Variants in F13A1 observed in about 807,000 individuals in gnomAD.
F13A1 encodes the protein FSF, A subunit.
A neutral mutation model predicts 80.1 loss-of-function variants in F13A1; 47 were observed. The ratio of observed to expected loss-of-function variants is 0.59; its 90% CI spans 0.46 to 0.75. The LOEUF is 0.75. Among genes scored for constraint, F13A1 ranks in the 30% least tolerant of loss-of-function variants. The pLI, the probability that F13A1 is intolerant of heterozygous loss-of-function variation, is 0.00. For synonymous variants in F13A1, 349 were observed against 344.9 expected, an observed-to-expected ratio of 1.01 and a Z score of -0.13; for missense variants, 817 against 930.4, an observed-to-expected ratio of 0.88 and a Z score of 1.59.
intron 3 of F13A1, among the ~76,000 whole-genome samples, chr6:6,284,296 G>A (rs1451706966): frequency 6.6e-6 from 1 of 152,192 alleles, no homozygotes; most frequent in Non-Finnish European, 1.5e-5. Context: ...AGAAAAGGTT[G>A]AAATGATGGA....
chr6:6,251,943 AC>A, intron 4 of F13A1, among the ~76,000 whole-genome samples: 1 of 152,264 alleles, frequency 6.6e-6, no homozygotes, highest in African/African-American at 2.4e-5. Flanking sequence ...CAATGGCGTG[AC>A]TTATGAAATA....
chr6:6,302,608 C>T (rs1758450201), intron 3 of F13A1, among the ~76,000 whole-genome samples: 1 of 152,138 alleles, frequency 6.6e-6, no homozygotes, highest in African/African-American at 2.4e-5. Context: ...CCAGAAGTAG[C>T]CCTGGGTGAG....
intron 4 of F13A1, among the ~76,000 whole-genome samples, chr6:6,263,851 A>G (rs2113120305): frequency 6.6e-6 from 1 of 152,310 alleles, no homozygotes; most frequent in Admixed American, 6.5e-5. Flanking sequence ...TTTTTGTTCT[A>G]AATACAAAAT....
intron 8 of F13A1, among the ~76,000 whole-genome samples, chr6:6,204,219 A>AATCT (rs748552266): frequency 8.5e-5 from 13 of 152,216 alleles, no homozygotes; most frequent in African/African-American, 2.2e-4. Context: ...TCTCATTTAC[A>AATCT]ATCTATCTGT....
At chr6:6,266,520 G>A (rs1757846581) in intron 4 of F13A1, 38 bp downstream of exon 4, 1 of 1,613,990 alleles carries the variant, frequency 6.2e-7, no homozygotes, top group South Asian at 1.1e-5. Context: ...CCAAATAGGT[G>A]AATTTTTAAA....
Position 6,224,795 on chromosome 6 carries a change from G to A in F13A1, c.864C>T (p.Val288=), listed in dbSNP as rs768404584. Residue 288 remains valine (V), a synonymous_variant, in exon 7 of 15, where the codon GTC becomes GTT. Coordinates refer to ENST00000264870, the MANE Select transcript of F13A1 (RefSeq NM_000129.4). ...CGCTTCCAGTCCAGGCCGATGGGGG[G>A]ACGCCATAGGCATAGATATTGTCCC... The part of the protein sequence containing the change: ...GSWDNIYAYG[V]PPSAWTGSVD... 2 of 1,613,990 alleles carry A rather than the reference G, an allele frequency of 1.2e-6. No homozygotes were observed. Among genetic ancestry groups the A allele is most frequent in the Admixed American group, 1.7e-5 (1 of 60,002 alleles).
chr6:6,271,062 G>C (rs1015814034), intron 3 of F13A1, among the ~76,000 whole-genome samples: 8 of 146,556 alleles, frequency 5.5e-5, no homozygotes, highest in Non-Finnish European at 1.2e-4. Context: ...GGTTATGGAA[G>C]CGTTATCAGG....
intron 6 of F13A1, among the ~76,000 whole-genome samples, chr6:6,225,102 G>A (rs1489780861): frequency 6.6e-6 from 1 of 152,224 alleles, no homozygotes; most frequent in Non-Finnish European, 1.5e-5. Context: ...GCAAGGCAAA[G>A]TTGAACGGCA....
In F13A1 at chr6:6,182,117, TAATGTA is replaced by T. The variant is rs753321105; in HGVS notation, c.1324_1329del (p.Tyr442_Ile443del). 6.2e-7 allele frequency: 1 copy of T among 1,614,174 alleles called. No individual in the cohort carries two copies. The highest frequency in any genetic ancestry group is 1.1e-5 in the South Asian group (1 of 91,082). ...ACATGAGTGCCATCTTTCTTAGCTG[TAATGTA>T]AATGAGGTCGCTGTTGACCTGGAAA... On this transcript the variant is annotated inframe_deletion, in exon 11 of 15. Coordinates refer to ENST00000264870, the MANE Select transcript of F13A1 (RefSeq NM_000129.4).
intron 5 of F13A1, among the ~76,000 whole-genome samples, chr6:6,248,980 G>T (rs1187378758): frequency 6.6e-6 from 1 of 152,168 alleles, no homozygotes. Context: ...ATCAAGGAGA[G>T]GGCAGAAGGC....
At chr6:6,192,078 A>T (rs1270879960) in intron 10 of F13A1, among the ~76,000 whole-genome samples, 1 of 152,210 alleles carries the variant, frequency 6.6e-6, no homozygotes, top group East Asian at 1.9e-4. Context: ...TAGCAAAAGG[A>T]GCAGTATGTC....
intron 12 of F13A1, among the ~76,000 whole-genome samples, chr6:6,168,423 C>T (rs1760714708): frequency 6.6e-6 from 1 of 152,180 alleles, no homozygotes; most frequent in South Asian, 2.1e-4. Context: ...ACTCCCATTT[C>T]CCACTGTCCA....
chr6:6,185,549 A>G (rs62407999), intron 10 of F13A1, among the ~76,000 whole-genome samples: 39 of 151,922 alleles, frequency 2.6e-4, no homozygotes, highest in Non-Finnish European at 3.1e-4. Context: ...AAGGACATGA[A>G]CTCATCATTT....
rs1003804818 is a variant in F13A1, at chr6:6,248,515, T to C, written c.691-96A>G. The C allele has an allele frequency of 1.0e-4, 94 of 915,646 alleles. No homozygotes were observed. The African/African-American group carries it at 1.3e-3, about 13-fold the overall frequency. The allele number at this position is 915,646 out of a possible 1,614,324, so 56.7% of individuals were successfully genotyped here. A position where few individuals can be genotyped will look rare whatever the true frequency, so the allele number is the denominator to read the frequency against. Reference sequence around the variant, plus strand: ...TAACATGAAACCACAACCTAATGTTTAGAAATGTGTGTTTCCTGTATAGTG... The same window carrying C: ...TAACATGAAACCACAACCTAATGTTCAGAAATGTGTGTTTCCTGTATAGTG... On this transcript the variant is annotated intron_variant, in intron 5 of 14. Coordinates refer to ENST00000264870, the MANE Select transcript of F13A1 (RefSeq NM_000129.4).
At chr6:6,217,504 A>T (rs1363384643) in intron 8 of F13A1, among the ~76,000 whole-genome samples, 1 of 130,824 alleles carries the variant, frequency 7.6e-6, no homozygotes, top group East Asian at 2.4e-4. Context: ...CAGGAAGGGG[A>T]ACATAACACT....
chr6:6,272,493 C>T (rs1007225079), intron 3 of F13A1, among the ~76,000 whole-genome samples: 1 of 152,192 alleles, frequency 6.6e-6, no homozygotes, highest in Non-Finnish European at 1.5e-5. Context: ...TCAGGACACT[C>T]CCACTTCTCT....
chr6:6,277,963 A>G (rs905941557), intron 3 of F13A1, among the ~76,000 whole-genome samples: 3 of 152,214 alleles, frequency 2.0e-5, no homozygotes, highest in Non-Finnish European at 4.4e-5. Flanking sequence ...CCCACCTTTC[A>G]GCCTCTGCCA....
At chr6:6,302,978 C>T (rs3024347) in intron 3 of F13A1, among the ~76,000 whole-genome samples, 60,458 of 152,084 alleles carry the variant, frequency 0.4, 16,931 homozygotes, top group African/African-American at 0.8. Flanking sequence ...GTATATGGGA[C>T]AAGATGAGGG....
chr6:6,211,686 G>A lies in F13A1; in HGVS notation c.1112+10347C>T, dbSNP rs542740535. On this transcript the variant is annotated intron_variant, in intron 8 of 14. Transcript: ENST00000264870. ...ATTAGGGGGAGGAGCCAAGATGGCC[G>A]AATAGGAACAGCTCCAGTCTACAGC... Among the ~76,000 whole-genome samples the A allele has an allele frequency of 5.8e-4, 89 of 152,352 alleles. 2 individuals are homozygous for A. Among genetic ancestry groups the A allele is most frequent in the African/African-American group, 1.4e-3 (57 of 41,578 alleles).
Sources: allele counts gnomAD v4.1 joint callset (sites outside exome capture counted in the v4.1 genomes callset), GRCh38; gene constraint gnomAD v4.1.1; transcripts MANE v1.5; gene names NCBI Gene and HGNC (gene_info 2026-07-23, HGNC 2026-07-21).